The following DPP6 variants were observed in gnomAD, a reference collection of about 807,000 sequenced individuals.
DPP6 encodes the protein A-type potassium channel modulatory protein DPP6.
Under a neutral mutation model 122.6 loss-of-function variants are expected in DPP6, and 69 were observed. The observed-to-expected ratio is 0.56, with a 90% CI of 0.46 to 0.69. The LOEUF is 0.69. Among genes scored for constraint, DPP6 ranks in the 30% least tolerant of loss-of-function variants. The pLI is 0.00. For synonymous variants in DPP6, 418 were observed against 433.1 expected (o/e 0.97, Z 0.43); for missense variants, 928 against 1,116.9 (o/e 0.83, Z 2.41).
At chr7:154,586,916 G>T (rs894558862) in intron 5 of DPP6, among the ~76,000 whole-genome samples, 2 of 152,216 alleles carry the variant, frequency 1.3e-5, no homozygotes, top group Non-Finnish European at 2.9e-5. Context: ...AGCAGGAACT[G>T]CTCCTTACTT....
In DPP6 at chr7:154,892,465, C is replaced by T. The variant is rs775703973; in HGVS notation, c.2583C>T (p.Asp861=). The change falls in exon 26 of 26, where the codon GAC becomes GAT. Residue 861 remains aspartate, a synonymous_variant. Transcript: ENST00000377770. The part of the protein sequence containing the change: ...DKLLTVTAKE[D]EEED ...TGCTGACAGTCACAGCGAAAGAGGA[C>T]GAGGAGGAGGACTAAGCTCAGGTCG... 4.3e-6 allele frequency: 7 copies of T among 1,613,762 alleles called. No homozygotes were observed. Among genetic ancestry groups the T allele is most frequent in the Non-Finnish European group, 5.9e-6 (7 of 1,179,840 alleles).
chr7:153,980,396 C>G (rs1475866857), intron 1 of DPP6, among the ~76,000 whole-genome samples: 1 of 151,650 alleles, frequency 6.6e-6, no homozygotes, highest in Non-Finnish European at 1.5e-5. Flanking sequence ...GTTGATATCC[C>G]CTTTATCATT....
the DPP6 span, among the ~76,000 whole-genome samples, chr7:153,834,667 C>T: frequency 6.6e-6 from 1 of 152,110 alleles, no homozygotes. Context: ...TGTTTTGCAT[C>T]ATTTTATAGT....
intron 7 of DPP6, among the ~76,000 whole-genome samples, chr7:154,684,175 A>G (rs976861235): frequency 6.6e-6 from 1 of 152,072 alleles, no homozygotes; most frequent in African/African-American, 2.4e-5. Context: ...AGCCCAGGAC[A>G]CACTCTTAAT....
At position 154,627,189 on chromosome 7, in the gene DPP6, C is replaced by CTTTTT. The variant is rs61163075; in HGVS notation, c.628-10616_628-10612dup. On this transcript the variant is annotated intron_variant, in intron 5 of 25. Transcript: ENST00000377770. ...CACCACGCCTGGCTAATTTTTTTTC[C>CTTTTT]TTTTTTTTTTTTTTTTTTTTGAGAT... Among the ~76,000 whole-genome samples, 78 of 103,420 alleles carry CTTTTT rather than the reference C, an allele frequency of 7.5e-4. 1 individual carries two copies. The highest frequency in any genetic ancestry group is 1.8e-3 in the African/African-American group (46 of 26,000). 67.8% of individuals were successfully genotyped at this position (103,420 alleles called of 152,430 possible).
At chr7:154,610,741 G>A (rs1833864180) in intron 5 of DPP6, among the ~76,000 whole-genome samples, 1 of 119,588 alleles carries the variant, frequency 8.4e-6, no homozygotes, top group African/African-American at 3.1e-5. Context: ...GTGTGTGTGT[G>A]TGTGATTGTG....
At chr7:154,302,500 C>T (rs1563439491) in intron 1 of DPP6, among the ~76,000 whole-genome samples, 2 of 152,196 alleles carry the variant, frequency 1.3e-5, no homozygotes, top group Non-Finnish European at 2.9e-5. Context: ...TCCTAAACTT[C>T]CCCACCTGGA....
intron 1 of DPP6, among the ~76,000 whole-genome samples, chr7:154,081,224 C>A (rs916732141): frequency 6.6e-6 from 1 of 151,174 alleles, no homozygotes; most frequent in African/African-American, 2.4e-5. Context: ...TGTAGTGAGG[C>A]CCTCTGTGGG....
intron 1 of DPP6, among the ~76,000 whole-genome samples, chr7:153,895,969 G>A (rs7780311): frequency 0.013 from 1,953 of 152,320 alleles, 49 homozygotes; most frequent in African/African-American, 0.045. Context: ...AAATAAAAGT[G>A]AATTGCTGGC....
chr7:154,806,751 C>T (rs911509519), intron 15 of DPP6, among the ~76,000 whole-genome samples: 25 of 152,174 alleles, frequency 1.6e-4, no homozygotes, highest in African/African-American at 5.8e-4. Context: ...GCCTTCCAGC[C>T]CTCCCACAAG....
intron 2 of DPP6, among the ~76,000 whole-genome samples, chr7:154,459,686 G>C (rs1480506063): frequency 6.6e-6 from 1 of 150,904 alleles, no homozygotes; most frequent in Non-Finnish European, 1.5e-5. Flanking sequence ...GCGTCATGGC[G>C]CGTGCCTGTA....
chr7:154,120,002 C>T (rs1585416688), intron 1 of DPP6, among the ~76,000 whole-genome samples: 1 of 151,892 alleles, frequency 6.6e-6, no homozygotes, highest in Admixed American at 6.6e-5. Context: ...GTACCCCACT[C>T]GACAGACCTT....
Position 154,801,514 on chromosome 7 carries a change from C to T in DPP6, c.1407+52C>T, listed in dbSNP as rs1176006960. ...AACTAGAAACTGGCCTGCTAGAGGC[C>T]GTGGGGTGACAGCCTCTAGGGCTGG... is the stretch of plus-strand genomic sequence containing the variant. On this transcript the variant is annotated intron_variant, in intron 13 of 25. Transcript: ENST00000377770. The T allele has an allele frequency of 5.5e-5, 84 of 1,515,570 alleles. 1 individual carries two copies. The South Asian group carries it at 9.3e-4, about 17-fold the overall frequency. The allele number at this position is 1,515,570 out of a possible 1,614,324, so 93.9% of individuals were successfully genotyped here.
the DPP6 span, among the ~76,000 whole-genome samples, chr7:153,815,572 T>C: frequency 1.3e-5 from 2 of 148,212 alleles, no homozygotes; most frequent in Admixed American, 1.3e-4. Flanking sequence ...CCTGTGTCCA[T>C]GTGTTCTCAT....
the DPP6 span, among the ~76,000 whole-genome samples, chr7:153,780,033 A>G: frequency 6.6e-6 from 1 of 151,720 alleles, no homozygotes; most frequent in African/African-American, 2.4e-5. Context: ...GAGTTAAAAA[A>G]CACAGGTGCT....
At chr7:154,142,750 A>C (rs1217424551) in intron 1 of DPP6, among the ~76,000 whole-genome samples, 1 of 149,560 alleles carries the variant, frequency 6.7e-6, no homozygotes, top group African/African-American at 2.5e-5. Context: ...CACTACTTTC[A>C]TTTTTGCATT....
At position 154,655,909 on chromosome 7, in the gene DPP6, T is replaced by C. The variant is rs1837209012; in HGVS notation, c.681-13451T>C. On this transcript the variant is annotated intron_variant, in intron 6 of 25. Transcript: ENST00000377770. ...GGTCAGCTACCTGGCCCTGAGCAAG[T>C]CGCTTTGGGCCTTGGTGGAACTGGG... 3.9e-5 allele frequency among the ~76,000 whole-genome samples: 6 copies of C among 152,058 alleles called. No homozygotes were observed. In the South Asian group the frequency reaches 1.2e-3, roughly 32 times the overall value.
chr7:154,644,201 A>G (rs1377275268), intron 6 of DPP6, among the ~76,000 whole-genome samples: 1 of 152,226 alleles, frequency 6.6e-6, no homozygotes, highest in Non-Finnish European at 1.5e-5. Context: ...GTGCTTATGT[A>G]TAGCATACAC....
chr7:154,445,248 T>C (rs765891702), intron 1 of DPP6, among the ~76,000 whole-genome samples: 1 of 152,222 alleles, frequency 6.6e-6, no homozygotes, highest in Non-Finnish European at 1.5e-5. Flanking sequence ...CTCCAGACTA[T>C]ACATGGACAG....
Sources: gnomAD v4.1 joint callset for allele counts (sites outside exome capture counted in the v4.1 genomes callset) on GRCh38, gnomAD v4.1.1 for gene constraint, MANE v1.5 for transcripts, NCBI Gene and HGNC (gene_info 2026-07-23, HGNC 2026-07-21) for gene names.